The following LSAMP variants were observed in gnomAD, a reference collection of about 807,000 sequenced individuals.
LSAMP encodes limbic system-associated membrane protein.
In LSAMP, 7 loss-of-function variants were observed where a neutral mutation model predicts 38.6. That is an observed-to-expected ratio of 0.18 (90% CI 0.10 to 0.34). The LOEUF (loss-of-function observed/expected upper bound fraction) is 0.34. LSAMP is among the 10% of genes least tolerant of loss of function. The pLI, the probability that LSAMP is intolerant of heterozygous loss-of-function variation, is 1.00. For missense variants in LSAMP, 313 were observed against 420.0 expected (o/e 0.75, Z 2.23); for synonymous variants, 154 against 166.8 (o/e 0.92, Z 0.59).
intron 1 of LSAMP, among the ~76,000 whole-genome samples, chr3:116,429,856 G>A (rs2049257127): frequency 6.6e-6 from 1 of 152,102 alleles, no homozygotes; most frequent in African/African-American, 2.4e-5. Context: ...TTGACCAAGA[G>A]GTTGACAACA....
intron 1 of LSAMP, among the ~76,000 whole-genome samples, chr3:116,136,540 T>A (rs907097150): frequency 6.6e-6 from 1 of 152,196 alleles, no homozygotes; most frequent in African/African-American, 2.4e-5. Flanking sequence ...TTTATTAATA[T>A]ATCTATTCCA....
intron 1 of LSAMP, among the ~76,000 whole-genome samples, chr3:116,425,045 T>G (rs904026434): frequency 1.3e-5 from 2 of 151,354 alleles, no homozygotes; most frequent in Admixed American, 1.3e-4. Context: ...CCAAATAAAT[T>G]GTCTACCGTG....
intron 3 of LSAMP, among the ~76,000 whole-genome samples, chr3:115,932,341 A>C (rs1483214449): frequency 6.6e-6 from 1 of 152,188 alleles, no homozygotes; most frequent in Non-Finnish European, 1.5e-5. Context: ...ACACTAATTC[A>C]TTGTCAGTGA....
At chr3:116,126,201 A>C (rs1369249245) in intron 1 of LSAMP, among the ~76,000 whole-genome samples, 1 of 152,178 alleles carries the variant, frequency 6.6e-6, no homozygotes, top group African/African-American at 2.4e-5. Flanking sequence ...TGGACCTCAC[A>C]CTGAATTTTC....
intron 1 of LSAMP, among the ~76,000 whole-genome samples, chr3:116,116,738 A>G (rs947755910): frequency 2.6e-5 from 4 of 151,702 alleles, no homozygotes; most frequent in African/African-American, 9.7e-5. Flanking sequence ...TAATAATAAT[A>G]ATAATAATAA....
chr3:116,109,397 G>A (rs1377870144), intron 1 of LSAMP, among the ~76,000 whole-genome samples: 7 of 152,088 alleles, frequency 4.6e-5, no homozygotes, highest in African/African-American at 1.7e-4. Flanking sequence ...CTGTAGAAAA[G>A]GAAGATTAGA....
intron 1 of LSAMP, among the ~76,000 whole-genome samples, chr3:116,097,567 GT>G (rs1452720176): frequency 6.6e-6 from 1 of 152,102 alleles, no homozygotes; most frequent in African/African-American, 2.4e-5. Flanking sequence ...CTATAACGAA[GT>G]TAACACATAA....
At chr3:116,281,448 G>GCAAA (rs1355803492) in intron 1 of LSAMP, among the ~76,000 whole-genome samples, 1 of 152,108 alleles carries the variant, frequency 6.6e-6, no homozygotes, top group Non-Finnish European at 1.5e-5. Context: ...ACTGATAAAT[G>GCAAA]CAAACAGAGG....
intron 3 of LSAMP, among the ~76,000 whole-genome samples, chr3:115,881,431 T>A (rs968695513): frequency 1.3e-5 from 2 of 152,108 alleles, no homozygotes; most frequent in African/African-American, 4.8e-5. Flanking sequence ...TATTATAGAG[T>A]CATTCTGCAT....
At chr3:116,091,312 C>T (rs1443249260) in intron 1 of LSAMP, among the ~76,000 whole-genome samples, 1 of 152,212 alleles carries the variant, frequency 6.6e-6, no homozygotes, top group Admixed American at 6.5e-5. Flanking sequence ...AAGGTGCCCA[C>T]ATTTCATATT....
chr3:116,285,453 G>A (rs1435387197), intron 1 of LSAMP, among the ~76,000 whole-genome samples: 3 of 151,962 alleles, frequency 2.0e-5, no homozygotes, highest in Non-Finnish European at 2.9e-5. Flanking sequence ...CTTCTCCCTG[G>A]AATGTTTTAC....
At chr3:115,920,307 C>G (rs778019584) in intron 3 of LSAMP, among the ~76,000 whole-genome samples, 4 of 152,166 alleles carry the variant, frequency 2.6e-5, no homozygotes, top group Non-Finnish European at 4.4e-5. Context: ...TTCCCACCAA[C>G]AGTGCACAAG....
At chr3:116,020,006 G>A (rs145671294) in intron 2 of LSAMP, among the ~76,000 whole-genome samples, 1 of 152,070 alleles carries the variant, frequency 6.6e-6, no homozygotes, top group East Asian at 1.9e-4. Flanking sequence ...ATTTTCTTAT[G>A]TATATATAAA....
intron 2 of LSAMP, among the ~76,000 whole-genome samples, chr3:116,022,242 T>C (rs887124937): frequency 1.3e-5 from 2 of 152,168 alleles, no homozygotes; most frequent in African/African-American, 2.4e-5. Flanking sequence ...AACTTCTTTT[T>C]TTTTTTTCTT....
chr3:116,197,982 G>C (rs1162456726), intron 1 of LSAMP, among the ~76,000 whole-genome samples: 3 of 152,078 alleles, frequency 2.0e-5, no homozygotes, highest in African/African-American at 7.2e-5. Context: ...GTAGGTTACT[G>C]CACAAAGAGA....
chr3:116,263,254 G>A (rs1456506603), intron 1 of LSAMP, among the ~76,000 whole-genome samples: 1 of 152,124 alleles, frequency 6.6e-6, no homozygotes, highest in Non-Finnish European at 1.5e-5. Context: ...AAAAAAGGAT[G>A]GGGCTGGGTG....
intron 1 of LSAMP, among the ~76,000 whole-genome samples, chr3:116,416,790 G>A (rs1255476523): frequency 6.7e-6 from 1 of 149,182 alleles, no homozygotes; most frequent in Non-Finnish European, 1.5e-5. Context: ...CATAAGGGCA[G>A]AGACTTCTTC....
chr3:116,133,756 C>T (rs1176383101), intron 1 of LSAMP, among the ~76,000 whole-genome samples: 1 of 152,098 alleles, frequency 6.6e-6, no homozygotes. Flanking sequence ...GTTTATATTT[C>T]ACTTAATAGC....
intron 1 of LSAMP, among the ~76,000 whole-genome samples, chr3:116,124,806 A>T (rs928814540): frequency 1.3e-5 from 2 of 152,166 alleles, no homozygotes; most frequent in Non-Finnish European, 2.9e-5. Flanking sequence ...AGAAAACACA[A>T]TTGGGCTCAT....
Sources: gnomAD v4.1 joint callset for allele counts (sites outside exome capture counted in the v4.1 genomes callset) on GRCh38, gnomAD v4.1.1 for gene constraint, MANE v1.5 for transcripts, NCBI Gene and HGNC (gene_info 2026-07-23, HGNC 2026-07-21) for gene names.